Variants in PTGIS observed in about 807,000 individuals in gnomAD.
PTGIS encodes prostaglandin I2 synthase.
PTGIS carries 45 observed loss-of-function variants against 50.3 expected under a neutral mutation model. That is an observed-to-expected ratio of 0.90 (90% CI 0.70 to 1.15). The LOEUF (loss-of-function observed/expected upper bound fraction) is 1.15, where lower values mean the gene tolerates loss of function less well. Among genes scored for constraint, PTGIS ranks in the 50% most tolerant of loss-of-function variants. The pLI, the probability that PTGIS is intolerant of heterozygous loss-of-function variation, is 0.00. For synonymous variants in PTGIS, 260 were observed against 267.7 expected (o/e 0.97, Z 0.28); for missense variants, 668 against 661.3 (o/e 1.01, Z -0.11).
intron 5 of PTGIS, among the ~76,000 whole-genome samples, chr20:49,535,882 GTTTGT>G (rs2122870873): frequency 6.6e-6 from 1 of 152,288 alleles, no homozygotes; most frequent in Admixed American, 6.5e-5. Flanking sequence ...TATTGCTGGA[GTTTGT>G]TTTATTATTG....
intron 5 of PTGIS, among the ~76,000 whole-genome samples, chr20:49,529,084 T>C (rs779545785): frequency 7.2e-5 from 11 of 152,220 alleles, no homozygotes; most frequent in South Asian, 2.1e-4. Context: ...GCAATCAAGC[T>C]AATTAGCATA....
chr20:49,513,781 G>A (rs940422433), intron 7 of PTGIS, among the ~76,000 whole-genome samples: 4 of 152,144 alleles, frequency 2.6e-5, no homozygotes, highest in Non-Finnish European at 5.9e-5. Context: ...TGGGACTCTT[G>A]GTGGGAACAC....
intron 6 of PTGIS, among the ~76,000 whole-genome samples, chr20:49,518,797 G>A (rs1255060762): frequency 6.6e-6 from 1 of 152,140 alleles, no homozygotes; most frequent in Non-Finnish European, 1.5e-5. Context: ...TCTCAATACT[G>A]TGGTTTTGCT....
chr20:49,549,867 GA>G (rs1471683025), intron 2 of PTGIS, among the ~76,000 whole-genome samples, 198 bp downstream of exon 2: 1 of 152,152 alleles, frequency 6.6e-6, no homozygotes, highest in African/African-American at 2.4e-5. Context: ...GAGGGAGACT[GA>G]AGGGATGATG....
intron 6 of PTGIS, among the ~76,000 whole-genome samples, chr20:49,521,353 A>G (rs575253): frequency 1 from 151,582 of 152,260 alleles, 75,459 homozygotes; most frequent in East Asian, 1. Flanking sequence ...TCTTGGCTCC[A>G]CTCCCAAAAG....
intron 6 of PTGIS, among the ~76,000 whole-genome samples, chr20:49,522,749 G>C (rs1263083907): frequency 2.0e-5 from 3 of 152,228 alleles, no homozygotes; most frequent in African/African-American, 7.2e-5. Context: ...AATGGGTCGG[G>C]TGCAGTGGCT....
At chr20:49,515,802 C>T (rs184527483) in intron 6 of PTGIS, among the ~76,000 whole-genome samples, 101 of 152,198 alleles carry the variant, frequency 6.6e-4, no homozygotes, top group Non-Finnish European at 1.2e-3. Flanking sequence ...AGCATGCAAA[C>T]GCAAGGTGCA....
At chr20:49,513,513 G>A (rs1601179114) in intron 7 of PTGIS, among the ~76,000 whole-genome samples, 3 of 151,542 alleles carry the variant, frequency 2.0e-5, no homozygotes, top group Non-Finnish European at 4.4e-5. Context: ...TGGGAGCTAG[G>A]GAGATATCAG....
At chr20:49,529,196 T>C (rs941441000) in intron 5 of PTGIS, among the ~76,000 whole-genome samples, 7 of 152,178 alleles carry the variant, frequency 4.6e-5, no homozygotes, top group Non-Finnish European at 1.0e-4. Flanking sequence ...CATTGTATAC[T>C]TGTATATTAA....
rs553665744 is a variant in PTGIS at position 49,540,265 on chromosome 20, C to T, written c.522-544G>A. On this transcript the variant is annotated intron_variant, in intron 4 of 9. Transcript: ENST00000244043. This position sits in a 1 kb window ranked among gnomAD's most constrained non-coding sequence, Gnocchi z 4.8. The stretch of plus-strand genomic sequence containing the variant: ...GGGGCACAGAGAAGGGGAGGAGATG[C>T]CTGCTCCCAGGGAGGGATTCAGGGA... 6.6e-6 allele frequency among the ~76,000 whole-genome samples: 1 copy of T among 152,222 alleles called. No individual in the cohort carries two copies. Among genetic ancestry groups the T allele is most frequent in the South Asian group, 2.1e-4 (1 of 4,826 alleles).
At chr20:49,514,506 T>C (rs1981423625) in intron 6 of PTGIS, 111 bp from the exon 7 acceptor site, 2 of 1,295,424 alleles carry the variant, frequency 1.5e-6, no homozygotes, top group Non-Finnish European at 2.2e-6. Flanking sequence ...GGGTTCCCAC[T>C]GCTGCCAAAC....
At chr20:49,564,994 A>G (rs1206506251) in intron 1 of PTGIS, among the ~76,000 whole-genome samples, 8 of 136,366 alleles carry the variant, frequency 5.9e-5, no homozygotes, top group African/African-American at 2.2e-4. Context: ...TTTTTTTGAG[A>G]TGGAGTCGCT....
At chr20:49,532,976 G>A (rs536683038) in intron 5 of PTGIS, among the ~76,000 whole-genome samples, 1 of 152,306 alleles carries the variant, frequency 6.6e-6, no homozygotes, top group East Asian at 1.9e-4. Flanking sequence ...ATAACCGGAT[G>A]CCATGAATGA....
At chr20:49,549,692 T>C (rs1377817442) in intron 2 of PTGIS, among the ~76,000 whole-genome samples, 1 of 151,984 alleles carries the variant, frequency 6.6e-6, no homozygotes, top group African/African-American at 2.4e-5. Flanking sequence ...GATATAAGGA[T>C]GGAAGGACGC....
chr20:49,515,137 T>C (rs1981444217), intron 6 of PTGIS, among the ~76,000 whole-genome samples: 1 of 152,242 alleles, frequency 6.6e-6, no homozygotes, highest in African/African-American at 2.4e-5. Context: ...TGCTTCCAAA[T>C]ATAATCATTC....
At chr20:49,553,189 AT>A (rs957347001) in intron 1 of PTGIS, among the ~76,000 whole-genome samples, 2 of 152,136 alleles carry the variant, frequency 1.3e-5, no homozygotes, top group African/African-American at 4.8e-5. Flanking sequence ...TCTGCTAGAT[AT>A]TATAAGGTGA....
chr20:49,514,522 G>A, intron 6 of PTGIS, 127 bp from the exon 7 acceptor site: 1 of 1,143,518 alleles, frequency 8.7e-7, no homozygotes, highest in Admixed American at 2.0e-5. Flanking sequence ...CAAACACCCA[G>A]GCATGACCAG....
chr20:49,550,838 A>T (rs1982488917), intron 1 of PTGIS, among the ~76,000 whole-genome samples: 1 of 152,156 alleles, frequency 6.6e-6, no homozygotes, highest in Non-Finnish European at 1.5e-5. Context: ...AGAGCACGTA[A>T]CTCCCTTCTG....
chr20:49,564,972 C>CTTT (rs397864477), intron 1 of PTGIS, among the ~76,000 whole-genome samples: 4 of 136,090 alleles, frequency 2.9e-5, no homozygotes, highest in Non-Finnish European at 4.8e-5. Context: ...CTTGTTTGCC[C>CTTT]TTTTTTTTTT....
Sources: allele counts gnomAD v4.1 joint callset (sites outside exome capture counted in the v4.1 genomes callset), GRCh38; gene constraint gnomAD v4.1.1; non-coding constraint Gnocchi (gnomAD v3.1); transcripts MANE v1.5; gene names NCBI Gene and HGNC (gene_info 2026-07-23, HGNC 2026-07-21).